NXPH1: variants seen among roughly 807,000 people sequenced by gnomAD.
NXPH1 encodes the protein neurexophilin-1.
A neutral mutation model predicts 23.7 loss-of-function variants in NXPH1; 5 were observed. That is an observed-to-expected ratio of 0.21 (90% confidence interval 0.11 to 0.44). The LOEUF (loss-of-function observed/expected upper bound fraction) is 0.44. Among genes scored for constraint, NXPH1 ranks in the 20% least tolerant of loss-of-function variants. The pLI, the probability that NXPH1 is intolerant of heterozygous loss-of-function variation, is 0.99. For synonymous variants in NXPH1, 144 were observed against 122.2 expected (o/e 1.18, Z -1.18); for missense variants, 324 against 321.6 (o/e 1.01, Z -0.06).
chr7:8,613,154 G>A (rs1008044662), intron 2 of NXPH1, among the ~76,000 whole-genome samples: 11 of 151,622 alleles, frequency 7.3e-5, no homozygotes, highest in African/African-American at 2.4e-5. Flanking sequence ...AGGATTCAGA[G>A]GGTTTTTTTT....
intron 2 of NXPH1, among the ~76,000 whole-genome samples, chr7:8,594,259 G>T (rs1819165925): frequency 6.6e-6 from 1 of 152,026 alleles, no homozygotes; most frequent in Non-Finnish European, 1.5e-5. Flanking sequence ...TGTAGTATTT[G>T]CAGGAAGAGG....
chr7:8,521,827 C>T (rs1817776349), intron 2 of NXPH1, among the ~76,000 whole-genome samples: 3 of 152,068 alleles, frequency 2.0e-5, no homozygotes, highest in Admixed American at 2.0e-4. Context: ...CAAGCTTCCT[C>T]AGCACATGGG....
At chr7:8,739,192 A>AC (rs1554269507) in intron 2 of NXPH1, among the ~76,000 whole-genome samples, 11 of 149,206 alleles carry the variant, frequency 7.4e-5, no homozygotes, top group Non-Finnish European at 1.3e-4. Context: ...AAAAAAAAAA[A>AC]AAAAAAAAAA....
chr7:8,681,260 A>G (rs1369283490), intron 2 of NXPH1, among the ~76,000 whole-genome samples: 1 of 152,234 alleles, frequency 6.6e-6, no homozygotes, highest in African/African-American at 2.4e-5. Context: ...TTCATATATA[A>G]GCGTTTATCT....
At chr7:8,619,507 T>A (rs548278927) in intron 2 of NXPH1, among the ~76,000 whole-genome samples, 3 of 152,222 alleles carry the variant, frequency 2.0e-5, no homozygotes, top group African/African-American at 4.8e-5. Context: ...ATCAATAATT[T>A]AAGCCTTTAT....
chr7:8,547,738 G>T (rs189806520), intron 2 of NXPH1, among the ~76,000 whole-genome samples: 1 of 151,414 alleles, frequency 6.6e-6, no homozygotes, highest in Non-Finnish European at 1.5e-5. Context: ...ACTTCTAAGA[G>T]GGAATATGTG....
chr7:8,733,274 A>G (rs751203086), intron 2 of NXPH1, among the ~76,000 whole-genome samples: 2 of 152,174 alleles, frequency 1.3e-5, no homozygotes, highest in Non-Finnish European at 2.9e-5. Flanking sequence ...TATCCAGTCT[A>G]TCATTGATGG....
At chr7:8,531,778 C>T (rs1325640923) in intron 2 of NXPH1, among the ~76,000 whole-genome samples, 2 of 152,174 alleles carry the variant, frequency 1.3e-5, no homozygotes, top group Non-Finnish European at 2.9e-5. Context: ...ACAATGACTT[C>T]TCTTAAATAA....
At chr7:8,639,881 GTGAAACTGTAAGACCAA>G (rs1820279851) in intron 2 of NXPH1, among the ~76,000 whole-genome samples, 1 of 152,174 alleles carries the variant, frequency 6.6e-6, no homozygotes, top group Non-Finnish European at 1.5e-5. Context: ...GCCTAGTCAT[GTGAAACTGTAAGACCAA>G]TTAAACGTCT....
At chr7:8,569,441 G>A (rs1247756952) in intron 2 of NXPH1, among the ~76,000 whole-genome samples, 1 of 151,880 alleles carries the variant, frequency 6.6e-6, no homozygotes. Flanking sequence ...TTTGTTAAGT[G>A]TGATAATCTT....
intron 2 of NXPH1, among the ~76,000 whole-genome samples, chr7:8,469,089 G>GAAA (rs1245190618): frequency 6.6e-6 from 1 of 151,794 alleles, no homozygotes; most frequent in Non-Finnish European, 1.5e-5. Flanking sequence ...TTAAGATACA[G>GAAA]AAAAAAGAAA....
intron 2 of NXPH1, among the ~76,000 whole-genome samples, chr7:8,448,126 T>G (rs1473322987): frequency 6.6e-6 from 1 of 152,246 alleles, no homozygotes; most frequent in Non-Finnish European, 1.5e-5. Context: ...ATTTCCTTAA[T>G]TCTGTGACTT....
chr7:8,463,882 C>T (rs1363187632), intron 2 of NXPH1, among the ~76,000 whole-genome samples: 1 of 152,150 alleles, frequency 6.6e-6, no homozygotes, highest in Non-Finnish European at 1.5e-5. Flanking sequence ...TAAATGTTGA[C>T]TATTGCTGGC....
chr7:8,457,403 A>G (rs1816615287), intron 2 of NXPH1, among the ~76,000 whole-genome samples: 1 of 152,180 alleles, frequency 6.6e-6, no homozygotes, highest in Non-Finnish European at 1.5e-5. Context: ...TTGTCAAGCT[A>G]TGCAGCAAAG....
Position 8,741,190 on chromosome 7 carries a change from G to A in NXPH1, c.55-9818G>A, listed in dbSNP as rs143784904. On this transcript the variant is annotated intron_variant, in intron 2 of 2. Transcript: ENST00000405863. ...TTTTACTTAGCACAATGTCCTGTAG[G>A]TTCATCCATGCTGCTACAAATGACA... Among the ~76,000 whole-genome samples, 54 of 152,174 alleles carry A rather than the reference G, an allele frequency of 3.5e-4. 1 individual carries two copies. In the East Asian group the frequency reaches 0.01, roughly 29 times the overall value.
intron 2 of NXPH1, among the ~76,000 whole-genome samples, chr7:8,606,461 A>G (rs1444106966): frequency 1.3e-5 from 2 of 152,122 alleles, no homozygotes; most frequent in Non-Finnish European, 2.9e-5. Context: ...TTTACCACTC[A>G]ATATTAAAGT....
chr7:8,593,931 A>G (rs1373869805), intron 2 of NXPH1, among the ~76,000 whole-genome samples: 1 of 152,064 alleles, frequency 6.6e-6, no homozygotes, highest in Non-Finnish European at 1.5e-5. Context: ...ATATTTTTAC[A>G]AACATTTCAG....
At position 8,591,495 on chromosome 7, in the gene NXPH1, T is replaced by A. The variant is rs983407030; in HGVS notation, c.54+155728T>A. On this transcript the variant is annotated intron_variant, in intron 2 of 2. Coordinates refer to ENST00000405863, the MANE Select transcript of NXPH1 (RefSeq NM_152745.3). Reference sequence around the variant, plus strand: ...GGAAATACCCTACTCCTAGTTGTCTTTGAAGTTTTATCATGCTTTAAGATT... The same window carrying A: ...GGAAATACCCTACTCCTAGTTGTCTATGAAGTTTTATCATGCTTTAAGATT... Among the ~76,000 whole-genome samples the A allele has an allele frequency of 5.3e-5, 8 of 152,024 alleles. 1 individual carries two copies. The highest frequency in any genetic ancestry group is 3.2e-3 in the Middle Eastern group (1 of 316).
intron 2 of NXPH1, among the ~76,000 whole-genome samples, chr7:8,499,840 A>G (rs1212096756): frequency 6.6e-6 from 1 of 152,022 alleles, no homozygotes; most frequent in African/African-American, 2.4e-5. Flanking sequence ...AGAACCACAG[A>G]TTTTACAGAG....
Sources: allele counts gnomAD v4.1 joint callset (sites outside exome capture counted in the v4.1 genomes callset), GRCh38; gene constraint gnomAD v4.1.1; transcripts MANE v1.5; gene names NCBI Gene and HGNC (gene_info 2026-07-23, HGNC 2026-07-21).